The following HORMAD2 variants were observed in gnomAD, a reference collection of about 807,000 sequenced individuals.
HORMAD2 encodes the protein HORMA domain containing 2, also known as HORMA domain-containing protein 2.
A neutral mutation model predicts 38.8 loss-of-function variants in HORMAD2; 45 were observed. That is an observed-to-expected ratio of 1.16 (90% CI 0.91 to 1.49). The LOEUF (loss-of-function observed/expected upper bound fraction) is 1.49, where lower values mean the gene tolerates loss of function less well. HORMAD2 is among the 40% of genes most tolerant of loss of function. The pLI is 0.00. For missense variants in HORMAD2, 338 were observed against 367.0 expected, an observed-to-expected ratio of 0.92 and a Z score of 0.65; for synonymous variants, 126 against 122.8, an observed-to-expected ratio of 1.03 and a Z score of -0.17.
chr22:30,114,398 T>C (rs183196750), intron 7 of HORMAD2, among the ~76,000 whole-genome samples: 4 of 152,200 alleles, frequency 2.6e-5, no homozygotes, highest in Non-Finnish European at 5.9e-5. Flanking sequence ...TACTGTGGTA[T>C]AGCAATGTTC....
In HORMAD2 at chr22:30,176,126, G is replaced by T; in HGVS notation, c.883G>T (p.Val295Phe). ...TGAGTGCTCCAGGAAGAAGAGGAAG[G>T]TCAGTGAACCAGTGAAGGTCTTCAT... ...SSECSRKKRK[V>F]SEPVKVFIPN... is the part of the protein sequence containing the mutation. Residue 295 changes from valine (V) to phenylalanine (F), a missense_variant, in exon 11 of 11, where the codon GTC (valine) becomes TTC (phenylalanine). Val to Phe is a conservative substitution (Grantham distance 50). Coordinates refer to ENST00000336726, the MANE Select transcript of HORMAD2 (RefSeq NM_152510.4). The T allele has an allele frequency of 6.2e-7, 1 of 1,613,090 alleles. No homozygotes were observed. Among genetic ancestry groups the T allele is most frequent in the Non-Finnish European group, 8.5e-7 (1 of 1,179,238 alleles).
intron 1 of HORMAD2, among the ~76,000 whole-genome samples, chr22:30,084,544 G>A (rs2146052158): frequency 6.6e-6 from 1 of 152,114 alleles, no homozygotes; most frequent in African/African-American, 2.4e-5. Flanking sequence ...AAATTTTGTG[G>A]TATTTTTCTA....
intron 10 of HORMAD2, among the ~76,000 whole-genome samples, chr22:30,163,847 A>C (rs1925606229): frequency 6.6e-6 from 1 of 152,178 alleles, no homozygotes; most frequent in Non-Finnish European, 1.5e-5. Context: ...GTTCAGTGGC[A>C]TTAAGTGTAT....
intron 1 of HORMAD2, among the ~76,000 whole-genome samples, chr22:30,088,505 A>C (rs1364498481): frequency 1.3e-5 from 2 of 151,484 alleles, no homozygotes; most frequent in Non-Finnish European, 2.9e-5. Flanking sequence ...CTTGTGTTCT[A>C]ATTGGCTGAT....
At chr22:30,184,061 T>C in the HORMAD2 span, among the ~76,000 whole-genome samples, 1 of 152,206 alleles carries the variant, frequency 6.6e-6, no homozygotes, top group Non-Finnish European at 1.5e-5. Context: ...AGAATATGCA[T>C]GTCATTCTGA....
At chr22:30,125,737 T>C (rs1922816930) in intron 10 of HORMAD2, among the ~76,000 whole-genome samples, 1 of 152,190 alleles carries the variant, frequency 6.6e-6, no homozygotes, top group Non-Finnish European at 1.5e-5. Context: ...TTATTTTCAT[T>C]TATGGAGTGA....
chr22:30,163,724 G>A (rs931986199), intron 10 of HORMAD2, among the ~76,000 whole-genome samples: 6 of 151,968 alleles, frequency 3.9e-5, no homozygotes, highest in African/African-American at 1.5e-4. Flanking sequence ...CACCACGCCC[G>A]GCCATGTGCT....
At chr22:30,177,291 G>A (rs907399771), downstream of HORMAD2, among the ~76,000 whole-genome samples, 31 of 152,166 alleles carry the variant, frequency 2.0e-4, no homozygotes, top group Non-Finnish European at 4.4e-4. Context: ...ACACAAAATG[G>A]AGAACCAATG....
the HORMAD2 span, among the ~76,000 whole-genome samples, chr22:30,189,564 C>T: frequency 2.6e-5 from 4 of 151,996 alleles, no homozygotes; most frequent in African/African-American, 4.8e-5. Flanking sequence ...TGTTGGCTGC[C>T]CCATATCTCA....
At chr22:30,078,607 C>CAAAAAAAAAAAAAAAAAAAAAAAAAAA (rs55966787), upstream of HORMAD2, among the ~76,000 whole-genome samples, 1 of 28,102 alleles carries the variant, frequency 3.6e-5, no homozygotes, top group African/African-American at 1.5e-4. Context: ...CTCTGTCTCA[C>CAAAAAAAAAAAAAAAAAAAAAAAAAAA]AAAAAAAAAA....
At chr22:30,164,356 T>C (rs1003827229) in intron 10 of HORMAD2, among the ~76,000 whole-genome samples, 5 of 152,228 alleles carry the variant, frequency 3.3e-5, no homozygotes, top group African/African-American at 7.2e-5. Flanking sequence ...CTATTTTTAA[T>C]TTTTTGAAGA....
chr22:30,189,821 C>G, the HORMAD2 span, among the ~76,000 whole-genome samples: 1 of 152,088 alleles, frequency 6.6e-6, no homozygotes, highest in Non-Finnish European at 1.5e-5. Context: ...CTCCTGACAC[C>G]CTGCTGCCTG....
At chr22:30,195,188 G>A in the HORMAD2 span, among the ~76,000 whole-genome samples, 182 of 108,536 alleles carry the variant, frequency 1.7e-3, 1 homozygote, top group African/African-American at 6.3e-3. Flanking sequence ...GCGAGACTCC[G>A]TCTCAAAAAA....
In HORMAD2 at chr22:30,176,181, C is replaced by T; in HGVS notation, c.*14C>T. ...AACAGAAAATGAAAGCTAAATATTC[C>T]TTCTACATTTATTTTAAAATAAGTT... is the stretch of plus-strand genomic sequence containing the variant. On this transcript the variant is annotated 3_prime_UTR_variant, in exon 11 of 11. Transcript: ENST00000336726. The T allele has an allele frequency of 1.4e-6, 2 of 1,443,908 alleles. No individual in the cohort carries two copies. The highest frequency in any genetic ancestry group is 1.4e-5 in the African/African-American group (1 of 71,454). The allele number at this position is 1,443,908 out of a possible 1,614,324, so 89.4% of individuals were successfully genotyped here.
At chr22:30,137,058 C>A in intron 10 of HORMAD2, 1 of 373,726 alleles carries the variant, frequency 2.7e-6, no homozygotes, top group Non-Finnish European at 5.0e-6. Context: ...ACAAAACAGA[C>A]AAAGTAAATA....
At chr22:30,162,894 GTT>G (rs1250885934) in intron 10 of HORMAD2, among the ~76,000 whole-genome samples, 7 of 151,820 alleles carry the variant, frequency 4.6e-5, no homozygotes, top group Non-Finnish European at 8.8e-5. Context: ...TAGAGACAGG[GTT>G]TTACCTTGTT....
chr22:30,161,462 C>T (rs2146215684), intron 10 of HORMAD2, among the ~76,000 whole-genome samples: 1 of 152,274 alleles, frequency 6.6e-6, no homozygotes, highest in Admixed American at 6.5e-5. Context: ...TCTAATGACA[C>T]CATCATGTCA....
intron 10 of HORMAD2, among the ~76,000 whole-genome samples, chr22:30,132,095 T>G (rs1052903505): frequency 6.6e-6 from 1 of 152,212 alleles, no homozygotes; most frequent in Non-Finnish European, 1.5e-5. Context: ...CCCACTAAAC[T>G]CTGAACTGAA....
At position 30,104,276 on chromosome 22, in the gene HORMAD2, G is replaced by A. The variant is rs1010353730; in HGVS notation, c.258-125G>A. On this transcript the variant is annotated intron_variant, in intron 4 of 10. Transcript: ENST00000336726. The stretch of plus-strand genomic sequence containing the variant: ...TGGAAGTTTAAAAAAATGATTAAAT[G>A]GGAAAGGTAAGATGGTTATCAACTT... The A allele has an allele frequency of 2.6e-5, 19 of 728,928 alleles. No homozygotes were observed. The South Asian group carries it at 3.1e-4, about 12-fold the overall frequency. 45.2% of individuals were successfully genotyped at this position (728,928 alleles called of 1,614,324 possible). A position where few individuals can be genotyped will look rare whatever the true frequency, so the allele number is the denominator to read the frequency against.
Sources: allele counts gnomAD v4.1 joint callset (sites outside exome capture counted in the v4.1 genomes callset), GRCh38; gene constraint gnomAD v4.1.1; transcripts MANE v1.5; gene names NCBI Gene and HGNC (gene_info 2026-07-23, HGNC 2026-07-21).